The following RIMS1 variants were observed in gnomAD, a reference collection of about 807,000 sequenced individuals.
RIMS1 encodes the protein regulating synaptic membrane exocytosis 1.
A neutral mutation model predicts 214.1 loss-of-function variants in RIMS1; 83 were observed. The ratio of observed to expected loss-of-function variants is 0.39; its 90% CI spans 0.32 to 0.47. The LOEUF (loss-of-function observed/expected upper bound fraction) is 0.47. Ranked by LOEUF, RIMS1 falls within the 20% of genes least tolerant of loss-of-function variation. RIMS1 has a pLI of 0.99. For synonymous variants in RIMS1, 793 were observed against 786.8 expected, an observed-to-expected ratio of 1.01 and a Z score of -0.13; for missense variants, 2,050 against 2,161.8, an observed-to-expected ratio of 0.95 and a Z score of 1.03.
chr6:71,906,821 A>G (rs958187990), intron 1 of RIMS1, among the ~76,000 whole-genome samples: 11 of 152,190 alleles, frequency 7.2e-5, no homozygotes, highest in Non-Finnish European at 1.3e-4. Flanking sequence ...TTAAGAATAC[A>G]CTTAGCACAG....
intron 2 of RIMS1, among the ~76,000 whole-genome samples, chr6:72,082,720 GT>G (rs1300345271): frequency 6.6e-6 from 1 of 152,184 alleles, no homozygotes; most frequent in Non-Finnish European, 1.5e-5. Context: ...CTAGGGATAA[GT>G]GGGTGTTCAG....
intron 4 of RIMS1, among the ~76,000 whole-genome samples, chr6:72,132,341 C>G (rs2040578721): frequency 6.6e-6 from 1 of 152,132 alleles, no homozygotes; most frequent in African/African-American, 2.4e-5. Flanking sequence ...CTTCACAATC[C>G]ATGTTCTTCT....
At chr6:71,907,636 T>C in intron 1 of RIMS1, among the ~76,000 whole-genome samples, 1 of 152,086 alleles carries the variant, frequency 6.6e-6, no homozygotes, top group East Asian at 1.9e-4. Context: ...AGATCAAAGG[T>C]GTAATAAAAA....
At chr6:72,359,701 T>A (rs1487578830) in intron 29 of RIMS1, among the ~76,000 whole-genome samples, 1 of 152,158 alleles carries the variant, frequency 6.6e-6, no homozygotes, top group Non-Finnish European at 1.5e-5. Context: ...ACTAAATGTG[T>A]AAAATAGCAA....
intron 4 of RIMS1, among the ~76,000 whole-genome samples, chr6:72,166,348 C>A (rs1193589700): frequency 6.6e-6 from 1 of 150,820 alleles, no homozygotes; most frequent in Admixed American, 6.6e-5. Context: ...TAGGCCTACA[C>A]CTGTATGACC....
chr6:72,347,140 G>C (rs2097292852), intron 29 of RIMS1, among the ~76,000 whole-genome samples: 1 of 151,732 alleles, frequency 6.6e-6, no homozygotes, highest in Non-Finnish European at 1.5e-5. Context: ...TCAGAACGAA[G>C]ACTTATGCCC....
intron 5 of RIMS1, among the ~76,000 whole-genome samples, chr6:72,180,958 C>A (rs147342820): frequency 1.5e-4 from 23 of 152,316 alleles, no homozygotes; most frequent in African/African-American, 5.1e-4. Flanking sequence ...TGTTCCCAAG[C>A]TGGCACATAG....
At chr6:72,350,021 AG>A (rs1406582862) in intron 29 of RIMS1, among the ~76,000 whole-genome samples, 1 of 152,112 alleles carries the variant, frequency 6.6e-6, no homozygotes, top group East Asian at 1.9e-4. Flanking sequence ...TTACCTTTGA[AG>A]TAAAAATTTA....
chr6:72,262,807 C>G, intron 19 of RIMS1: 1 of 738,722 alleles, frequency 1.4e-6, no homozygotes, highest in Non-Finnish European at 1.7e-6. Flanking sequence ...TTTCAAAATA[C>G]ATCATACCAT....
intron 2 of RIMS1, among the ~76,000 whole-genome samples, chr6:72,033,728 C>T (rs999191927): frequency 3.3e-5 from 5 of 151,982 alleles, no homozygotes; most frequent in African/African-American, 7.3e-5. Flanking sequence ...GTGATCCACA[C>T]GCCTCAGCCT....
intron 4 of RIMS1, chr6:72,148,713 GTT>G (rs59114237): frequency 0.68 from 264,365 of 386,546 alleles, 71,895 homozygotes; most frequent in African/African-American, 0.87. Context: ...GGAGACTTGG[GTT>G]TTTTTTTTTT....
At chr6:72,137,251 A>C (rs946872741) in intron 4 of RIMS1, among the ~76,000 whole-genome samples, 1 of 152,260 alleles carries the variant, frequency 6.6e-6, no homozygotes, top group South Asian at 2.1e-4. Context: ...GCATTTTATA[A>C]GAATAAATTC....
Position 72,134,718 on chromosome 6 carries a change from T to C in RIMS1, c.471+34732T>C, listed in dbSNP as rs373395741. Among the ~76,000 whole-genome samples, 6 of 152,252 alleles carry C rather than the reference T, an allele frequency of 3.9e-5. No homozygotes were observed. The East Asian group carries it at 1.2e-3, about 29-fold the overall frequency. On this transcript the variant is annotated intron_variant, in intron 4 of 33. Transcript: ENST00000521978. ...ATGAGGTAGGCTAGTCTATTTTTCATTTGACTGTCACATTTGATAGTGATA... is the reference window on the plus strand; with the variant it reads ...ATGAGGTAGGCTAGTCTATTTTTCACTTGACTGTCACATTTGATAGTGATA...
intron 4 of RIMS1, among the ~76,000 whole-genome samples, chr6:72,122,935 A>C (rs542794031): frequency 1.3e-5 from 2 of 151,786 alleles, no homozygotes; most frequent in African/African-American, 4.8e-5. Flanking sequence ...TCCTGGATTC[A>C]TTGATTTTTT....
At position 71,979,846 on chromosome 6, in the gene RIMS1, T is replaced by G. The variant is rs1798068905; in HGVS notation, c.245+10783T>G. Reference sequence around the variant, plus strand: ...AGTGATTTTGGCATATTCTCTTGATTTAGAATCACTGATATGTACCACTAA... The same window carrying G: ...AGTGATTTTGGCATATTCTCTTGATGTAGAATCACTGATATGTACCACTAA... On this transcript the variant is annotated intron_variant, in intron 2 of 33. Transcript: ENST00000521978. Among the ~76,000 whole-genome samples the G allele has an allele frequency of 2.6e-5, 4 of 152,188 alleles. No individual in the cohort carries two copies. In the South Asian group the frequency reaches 8.3e-4, roughly 32 times the overall value.
At chr6:71,952,033 C>A (rs1789755505) in intron 1 of RIMS1, among the ~76,000 whole-genome samples, 1 of 152,158 alleles carries the variant, frequency 6.6e-6, no homozygotes, top group South Asian at 2.1e-4. Context: ...AAAAGACAGT[C>A]CAGATTGGTG....
chr6:72,261,604 A>G, intron 19 of RIMS1: 1 of 984,278 alleles, frequency 1.0e-6, no homozygotes. Context: ...ACTAACACAA[A>G]ATAATCGAAC....
chr6:72,024,591 TCA>T (rs1319691423), intron 2 of RIMS1, among the ~76,000 whole-genome samples: 1 of 152,182 alleles, frequency 6.6e-6, no homozygotes, highest in African/African-American at 2.4e-5. Context: ...TTACATTTTC[TCA>T]GTTTTCAGGG....
chr6:72,151,336 CCG>C (rs2043553650), intron 4 of RIMS1, among the ~76,000 whole-genome samples: 3 of 152,182 alleles, frequency 2.0e-5, no homozygotes, highest in Admixed American at 1.3e-4. Context: ...GCCACTGTAC[CCG>C]GCCCATATAT....
Sources: allele counts gnomAD v4.1 joint callset (sites outside exome capture counted in the v4.1 genomes callset), GRCh38; gene constraint gnomAD v4.1.1; transcripts MANE v1.5; gene names NCBI Gene and HGNC (gene_info 2026-07-23, HGNC 2026-07-21).